TMPRSS11D: variants seen among roughly 807,000 people sequenced by gnomAD.
TMPRSS11D encodes the protein transmembrane protease serine 11D.
A neutral mutation model predicts 44.4 loss-of-function variants in TMPRSS11D; 32 were observed. That is an observed-to-expected ratio of 0.72 (90% CI 0.54 to 0.97). The LOEUF is 0.97. Ranked by LOEUF, TMPRSS11D falls within the 50% of genes least tolerant of loss-of-function variation. TMPRSS11D has a pLI of 0.00. For synonymous variants in TMPRSS11D, 179 were observed against 177.9 expected (o/e 1.01, Z -0.05); for missense variants, 446 against 502.6 (o/e 0.89, Z 1.08).
chr4:67,829,958 G>T (rs938338954), intron 7 of TMPRSS11D, among the ~76,000 whole-genome samples: 8 of 152,152 alleles, frequency 5.3e-5, no homozygotes, highest in African/African-American at 1.9e-4. Flanking sequence ...CAGCCTGCAT[G>T]TGTGCTTCTG....
In TMPRSS11D at chr4:67,827,022, A is replaced by T. The variant is rs544121250; in HGVS notation, c.952+239T>A. Among the ~76,000 whole-genome samples, 27 of 152,228 alleles carry T rather than the reference A, an allele frequency of 1.8e-4. No individual in the cohort carries two copies. In the South Asian group the frequency reaches 5.2e-3, roughly 29 times the overall value. ...GGATTATTAAAGAACTCGTGTCTTC[A>T]TAACTTTCTTTTACATTTTCCTATT... On this transcript the variant is annotated intron_variant, in intron 8 of 9. Transcript: ENST00000283916.
chr4:67,825,803 T>A lies in TMPRSS11D; in HGVS notation c.1024A>T (p.Ser342Cys), dbSNP rs767189147. 1 of 1,613,288 alleles carries A rather than the reference T, an allele frequency of 6.2e-7. No homozygotes were observed. The highest frequency in any genetic ancestry group is 8.5e-7 in the Non-Finnish European group (1 of 1,179,510). ...ISNDVCNAPH[S>C]YNGAILSGML... Reference sequence around the variant, plus strand: ...CCAGACAAGATGGCTCCATTATAACTATGTGGTGCATTACATACATCATTA... The same window carrying A: ...CCAGACAAGATGGCTCCATTATAACAATGTGGTGCATTACATACATCATTA... Residue 342 changes from serine to cysteine, a missense_variant, in exon 9 of 10, where the codon AGT becomes TGT. Physicochemically the swap from Ser to Cys is moderately radical, Grantham distance 112. Transcript: ENST00000283916.
intron 8 of TMPRSS11D, 73 bp from the exon 9 acceptor site, chr4:67,825,947 A>G: frequency 7.0e-7 from 1 of 1,418,664 alleles, no homozygotes; most frequent in Non-Finnish European, 9.4e-7. Context: ...TAAATTTGAG[A>G]AGAAATAAAT....
intron 1 of TMPRSS11D, among the ~76,000 whole-genome samples, chr4:67,868,590 T>C (rs2109697549): frequency 6.6e-6 from 1 of 152,320 alleles, no homozygotes; most frequent in Middle Eastern, 3.4e-3. Context: ...CAAAGTATGT[T>C]TGGCGAAAAG....
rs1717656947 is a variant in TMPRSS11D, at chr4:67,822,139, A to G, written c.*198T>C. 1 of 597,756 alleles carries G rather than the reference A, an allele frequency of 1.7e-6. No homozygotes were observed. The highest frequency in any genetic ancestry group is 2.9e-6 in the Non-Finnish European group (1 of 348,436). 37.0% of individuals were successfully genotyped at this position (597,756 alleles called of 1,614,324 possible). ...TTACACAGCCACAGTACTATGCAAC[A>G]TTCATATAGTTCTCTGGAGAAAATA... On this transcript the variant is annotated 3_prime_UTR_variant, in exon 10 of 10. Transcript: ENST00000283916.
chr4:67,859,706 T>A (rs755028407), intron 1 of TMPRSS11D, 28 bp from the exon 2 acceptor site: 1 of 1,610,016 alleles, frequency 6.2e-7, no homozygotes. Context: ...TCAAAGAAAG[T>A]CATTCATTTC....
At position 67,883,967 on chromosome 4, in the gene TMPRSS11D, C is replaced by A. The variant is rs1425838575; in HGVS notation, c.-34G>T. ...TTAATGAAGAGGTTCTTTTTTCTGC[C>A]TACTCAACTGCTTTGAGATTCCCAC... On this transcript the variant is annotated 5_prime_UTR_variant, in exon 1 of 10. It adds an upstream start codon to the 5' untranslated region. Coordinates refer to ENST00000283916, the MANE Select transcript of TMPRSS11D (RefSeq NM_004262.3). The A allele has an allele frequency of 2.5e-6, 4 of 1,595,160 alleles. No individual in the cohort carries two copies. Among genetic ancestry groups the A allele is most frequent in the Non-Finnish European group, 3.4e-6 (4 of 1,171,020 alleles).
At position 67,842,949 on chromosome 4, in the gene TMPRSS11D, G is replaced by A. The variant is rs111563857; in HGVS notation, c.250-324C>T. On this transcript the variant is annotated intron_variant, in intron 3 of 9. Transcript: ENST00000283916. ...TGGTGGCTTTTACTAAGGGCTTGGG[G>A]CAGGAATCATGCCAGCATGAGGGAA... Among the ~76,000 whole-genome samples the A allele has an allele frequency of 3.3e-5, 5 of 152,300 alleles. 1 individual carries two copies. Among genetic ancestry groups the A allele is most frequent in the African/African-American group, 1.2e-4 (5 of 41,572 alleles).
At chr4:67,832,620 G>A (rs534683303) in intron 7 of TMPRSS11D, among the ~76,000 whole-genome samples, 10 of 151,020 alleles carry the variant, frequency 6.6e-5, no homozygotes, top group South Asian at 2.1e-4. Context: ...ACATTCGAGT[G>A]TAAGCTCTTT....
chr4:67,838,491 G>A (rs571343366), intron 4 of TMPRSS11D, among the ~76,000 whole-genome samples, 162 bp from the exon 5 acceptor site: 16 of 152,042 alleles, frequency 1.1e-4, no homozygotes, highest in Non-Finnish European at 1.8e-4. Context: ...ACTATATCAC[G>A]ATGCTATCTC....
In TMPRSS11D at chr4:67,851,404, G is replaced by A. The variant is rs146316854; in HGVS notation, c.249+2664C>T. ...GCACTCCTGTGTAAAGGCAGGCAAT[G>A]GCTGAGAGACAGCTCTGCAGACAGA... On this transcript the variant is annotated intron_variant, in intron 3 of 9. Coordinates refer to ENST00000283916, the MANE Select transcript of TMPRSS11D (RefSeq NM_004262.3). Among the ~76,000 whole-genome samples, 9 of 152,200 alleles carry A rather than the reference G, an allele frequency of 5.9e-5. No homozygotes were observed. The East Asian group carries it at 1.7e-3, about 29-fold the overall frequency.
intron 3 of TMPRSS11D, among the ~76,000 whole-genome samples, chr4:67,845,491 A>G (rs1718336906): frequency 6.6e-6 from 1 of 152,198 alleles, no homozygotes; most frequent in Admixed American, 6.5e-5. Flanking sequence ...GTGTATTAAA[A>G]TGATTCATCT....
At chr4:67,834,682 C>T (rs989265779) in intron 6 of TMPRSS11D, among the ~76,000 whole-genome samples, 2 of 152,008 alleles carry the variant, frequency 1.3e-5, no homozygotes. Flanking sequence ...TGTGATTAAC[C>T]TGAATTCACA....
chr4:67,866,802 A>G (rs909599155), intron 1 of TMPRSS11D, among the ~76,000 whole-genome samples: 1 of 152,044 alleles, frequency 6.6e-6, no homozygotes, highest in Non-Finnish European at 1.5e-5. Flanking sequence ...CTACAAGGAA[A>G]ATTAAAAAAC....
chr4:67,836,825 C>G (rs1718101711), intron 5 of TMPRSS11D, among the ~76,000 whole-genome samples: 1 of 152,148 alleles, frequency 6.6e-6, no homozygotes, highest in Admixed American at 6.6e-5. Context: ...ATTATTCTGT[C>G]AAAGCATCGC....
At chr4:67,840,911 G>A (rs990451379) in intron 4 of TMPRSS11D, among the ~76,000 whole-genome samples, 2 of 152,010 alleles carry the variant, frequency 1.3e-5, no homozygotes, top group Admixed American at 6.6e-5. Context: ...AATTGAAAAC[G>A]CAATAAATGG....
chr4:67,875,716 C>T (rs1354386272), intron 1 of TMPRSS11D, among the ~76,000 whole-genome samples: 1 of 152,184 alleles, frequency 6.6e-6, no homozygotes, highest in Non-Finnish European at 1.5e-5. Flanking sequence ...TCCTTGTTTG[C>T]AAAACGGAAG....
In TMPRSS11D at chr4:67,859,551, A is replaced by G. The variant is rs1255283830; in HGVS notation, c.130+6T>C. On this transcript the variant is annotated splice_donor_region_variant and intron_variant, in intron 2 of 9. Transcript: ENST00000283916. ...ATCTGAAGAGTAATAATGTTCTGGTACTTACCAAAAGCTAAAAAGTAAACA... is the reference window on the plus strand; with the variant it reads ...ATCTGAAGAGTAATAATGTTCTGGTGCTTACCAAAAGCTAAAAAGTAAACA... 6.2e-7 allele frequency: 1 copy of G among 1,612,710 alleles called. No homozygotes were observed. Among genetic ancestry groups the G allele is most frequent in the South Asian group, 1.1e-5 (1 of 91,020 alleles).
At chr4:67,874,943 G>T (rs1719148011) in intron 1 of TMPRSS11D, among the ~76,000 whole-genome samples, 1 of 152,090 alleles carries the variant, frequency 6.6e-6, no homozygotes, top group African/African-American at 2.4e-5. Context: ...GTGAATCATG[G>T]ACCAAACCCA....
Sources: gnomAD v4.1 joint callset for allele counts (sites outside exome capture counted in the v4.1 genomes callset) on GRCh38, gnomAD v4.1.1 for gene constraint, MANE v1.5 for transcripts, NCBI Gene and HGNC (gene_info 2026-07-23, HGNC 2026-07-21) for gene names.